The following ZC3H12B variants were observed in gnomAD, a reference collection of about 807,000 sequenced individuals.
ZC3H12B encodes probable ribonuclease ZC3H12B.
Under a neutral mutation model 43.9 loss-of-function variants are expected in ZC3H12B, and 7 were observed. The observed-to-expected ratio is 0.16, with a 90% CI of 0.09 to 0.30. The LOEUF is 0.30. Ranked by LOEUF, ZC3H12B falls within the 10% of genes least tolerant of loss-of-function variation. ZC3H12B has a pLI of 1.00. For missense variants in ZC3H12B, 475 were observed against 670.2 expected (o/e 0.71, Z 3.22); for synonymous variants, 222 against 241.7 (o/e 0.92, Z 0.76).
At chrX:65,120,269 C>T in the ZC3H12B span, among the ~76,000 whole-genome samples, 10 of 112,014 alleles carry the variant, frequency 8.9e-5, no homozygotes, top group Admixed American at 4.7e-4. Context: ...TTGATTCTTG[C>T]TATCCATGAG....
chrX:65,429,922 G>A (rs1569405477), intron 3 of ZC3H12B, among the ~76,000 whole-genome samples: 1 of 112,217 alleles, frequency 8.9e-6, no homozygotes, highest in African/African-American at 3.2e-5. Context: ...CACAGAGATG[G>A]TGGCCACCTC....
the ZC3H12B span, among the ~76,000 whole-genome samples, chrX:65,152,056 A>G: frequency 8.9e-6 from 1 of 111,924 alleles, no homozygotes; most frequent in East Asian, 2.8e-4. Flanking sequence ...AACTCTCAAT[A>G]AATTAGGTAT....
chrX:65,450,275 G>C (rs1484863370), intron 3 of ZC3H12B, among the ~76,000 whole-genome samples: 2 of 96,573 alleles, frequency 2.1e-5, no homozygotes, highest in Non-Finnish European at 4.1e-5. Context: ...CTGCCTTCCA[G>C]CCTGGGCGAC....
intron 3 of ZC3H12B, among the ~76,000 whole-genome samples, chrX:65,402,633 ACT>A (rs2066777188): frequency 1.8e-5 from 2 of 111,451 alleles, no homozygotes; most frequent in Non-Finnish European, 3.8e-5. Flanking sequence ...AGAGAACGAG[ACT>A]CTATATGTTT....
At chrX:65,262,518 A>G in the ZC3H12B span, among the ~76,000 whole-genome samples, 1 of 111,580 alleles carries the variant, frequency 9.0e-6, no homozygotes, top group Non-Finnish European at 1.9e-5. Flanking sequence ...TGATAGTTTT[A>G]TCGTGGTAAG....
At chrX:65,201,882 G>C in the ZC3H12B span, among the ~76,000 whole-genome samples, 1 of 105,847 alleles carries the variant, frequency 9.4e-6, no homozygotes, top group Non-Finnish European at 1.9e-5. Context: ...GAGATCTGAT[G>C]CTTTCATAAG....
chrX:65,263,304 A>G, the ZC3H12B span, among the ~76,000 whole-genome samples: 1 of 111,061 alleles, frequency 9.0e-6, no homozygotes, highest in Admixed American at 9.6e-5. Context: ...ATCTTTTTAA[A>G]ACTGCTTTGG....
chrX:65,262,593 A>G, the ZC3H12B span, among the ~76,000 whole-genome samples: 1 of 111,293 alleles, frequency 9.0e-6, no homozygotes, highest in African/African-American at 3.3e-5. Flanking sequence ...ATCATGATAG[A>G]GAATGGAAAA....
intron 2 of ZC3H12B, among the ~76,000 whole-genome samples, chrX:65,385,208 G>T (rs2066504743): frequency 8.9e-6 from 1 of 112,001 alleles, no homozygotes; most frequent in Admixed American, 9.5e-5. Flanking sequence ...AGCACGATGG[G>T]GATGGCATTG....
the ZC3H12B span, among the ~76,000 whole-genome samples, chrX:65,323,142 C>G: frequency 8.9e-6 from 1 of 112,157 alleles, no homozygotes; most frequent in Non-Finnish European, 1.9e-5. Flanking sequence ...TTTTATTTCT[C>G]TCTGTTGCTG....
At chrX:65,197,319 C>T in the ZC3H12B span, among the ~76,000 whole-genome samples, 1 of 112,297 alleles carries the variant, frequency 8.9e-6, no homozygotes, top group Non-Finnish European at 1.9e-5. Context: ...CTCTCTAGCT[C>T]TGCAGGCAAC....
chrX:65,089,547 A>G, the ZC3H12B span, among the ~76,000 whole-genome samples: 2 of 111,940 alleles, frequency 1.8e-5, no homozygotes, highest in Non-Finnish European at 3.8e-5. Context: ...TAAGGTTTAT[A>G]AAACACTGTA....
Position 65,430,678 on chromosome X carries a change from C to A in ZC3H12B, n.407+31974C>A, listed in dbSNP as rs377682979. Among the ~76,000 whole-genome samples the A allele has an allele frequency of 1.4e-3, 153 of 109,718 alleles. 2 individuals carry two copies. The East Asian group carries it at 0.021, about 15-fold the overall frequency. On this transcript the variant is annotated intron_variant and non_coding_transcript_variant, in intron 3 of 5. Coordinates refer to the ZC3H12B transcript ENST00000617377. ...TCCCTACAAAGGACATGAACTCATCCTTTTTTATGGCTGCATAGTATTCCA... is the reference window on the plus strand; with the variant it reads ...TCCCTACAAAGGACATGAACTCATCATTTTTTATGGCTGCATAGTATTCCA...
the ZC3H12B span, among the ~76,000 whole-genome samples, chrX:65,174,213 C>T: frequency 2.3e-3 from 258 of 112,072 alleles, 2 homozygotes; most frequent in African/African-American, 7.8e-3. Flanking sequence ...TCAGGGGGCA[C>T]AGGATCAGGG....
chrX:65,450,826 C>T (rs868224817), intron 3 of ZC3H12B, among the ~76,000 whole-genome samples: 1 of 60,748 alleles, frequency 1.6e-5, no homozygotes, highest in Non-Finnish European at 2.9e-5. Context: ...TATATATATA[C>T]ATATGTGTAT....
the ZC3H12B span, among the ~76,000 whole-genome samples, chrX:65,070,576 A>G: frequency 9.0e-6 from 1 of 110,888 alleles, no homozygotes; most frequent in Admixed American, 9.6e-5. Flanking sequence ...GTTTAGTGCT[A>G]TAAATTTCCC....
intron 3 of ZC3H12B, among the ~76,000 whole-genome samples, chrX:65,451,609 G>C (rs370861024): frequency 1.8e-4 from 20 of 111,688 alleles, no homozygotes; most frequent in Admixed American, 1.4e-3. Context: ...CAAAGTGTTT[G>C]TATTACAGGC....
the ZC3H12B span, among the ~76,000 whole-genome samples, chrX:65,315,437 G>A: frequency 9.0e-6 from 1 of 111,355 alleles, no homozygotes; most frequent in African/African-American, 3.3e-5. Flanking sequence ...GCAAAAGAAG[G>A]ATACTGTAAA....
At chrX:65,040,798 G>A in the ZC3H12B span, among the ~76,000 whole-genome samples, 1 of 111,196 alleles carries the variant, frequency 9.0e-6, no homozygotes, top group Non-Finnish European at 1.9e-5. Flanking sequence ...TGGGAGGGGG[G>A]AGTTGAGACA....
Sources: gnomAD v4.1 joint callset for allele counts (sites outside exome capture counted in the v4.1 genomes callset) on GRCh38, gnomAD v4.1.1 for gene constraint, MANE v1.5 for transcripts, NCBI Gene and HGNC (gene_info 2026-07-23, HGNC 2026-07-21) for gene names.